The following NRG3 variants were observed in gnomAD, a reference collection of about 807,000 sequenced individuals.
NRG3 encodes neuregulin 3.
A neutral mutation model predicts 66.9 loss-of-function variants in NRG3; 31 were observed. That is an observed-to-expected ratio of 0.46 (90% CI 0.35 to 0.63). The LOEUF is 0.63. Ranked by LOEUF, NRG3 falls within the 20% of genes least tolerant of loss-of-function variation. The pLI, the probability that NRG3 is intolerant of heterozygous loss-of-function variation, is 0.00. For synonymous variants in NRG3, 393 were observed against 359.4 expected, an observed-to-expected ratio of 1.09 and a Z score of -1.06; for missense variants, 910 against 878.9, an observed-to-expected ratio of 1.04 and a Z score of -0.45.
intron 1 of NRG3, among the ~76,000 whole-genome samples, chr10:82,027,129 T>C (rs546200731): frequency 6.6e-6 from 1 of 152,236 alleles, no homozygotes; most frequent in East Asian, 1.9e-4. Context: ...CCTTTGGGTT[T>C]ATTCAGTAGA....
intron 2 of NRG3, among the ~76,000 whole-genome samples, chr10:82,366,942 GAACA>G (rs1456282512): frequency 6.6e-6 from 1 of 152,070 alleles, no homozygotes; most frequent in Non-Finnish European, 1.5e-5. Flanking sequence ...AATTTAAAAG[GAACA>G]TTTTTTAAAC....
intron 2 of NRG3, among the ~76,000 whole-genome samples, chr10:82,532,066 A>G (rs1247732097): frequency 6.6e-6 from 1 of 151,898 alleles, no homozygotes; most frequent in African/African-American, 2.4e-5. Context: ...TGATATAAGG[A>G]TACAATGGGC....
At chr10:82,166,139 C>T (rs1031027117) in intron 1 of NRG3, among the ~76,000 whole-genome samples, 130 of 152,276 alleles carry the variant, frequency 8.5e-4, no homozygotes, top group Non-Finnish European at 1.5e-4. Context: ...TCTCCTGCCT[C>T]AGCCTCCCCA....
At chr10:82,658,569 AAAG>A (rs138580937) in intron 2 of NRG3, among the ~76,000 whole-genome samples, 5,956 of 152,258 alleles carry the variant, frequency 0.039, 401 homozygotes, top group African/African-American at 0.14. Context: ...CAGAAAAAAA[AAAG>A]AGTATGTACT....
intron 2 of NRG3, among the ~76,000 whole-genome samples, chr10:82,562,349 A>T (rs763766904): frequency 1.8e-4 from 27 of 152,152 alleles, no homozygotes; most frequent in Admixed American, 3.3e-4. Flanking sequence ...GAGAGAACTC[A>T]CTGTCAGCTG....
intron 2 of NRG3, among the ~76,000 whole-genome samples, chr10:82,485,188 T>A (rs977106310): frequency 6.6e-6 from 1 of 151,754 alleles, no homozygotes; most frequent in Non-Finnish European, 1.5e-5. Flanking sequence ...ACTACACAAC[T>A]GTGTCCCCAC....
chr10:82,623,867 C>A (rs780102581), intron 2 of NRG3, among the ~76,000 whole-genome samples: 7 of 152,024 alleles, frequency 4.6e-5, no homozygotes, highest in Non-Finnish European at 1.0e-4. Context: ...ATTTTCTTAC[C>A]CCAAATTTAC....
At chr10:82,391,990 A>G (rs914537628) in intron 2 of NRG3, among the ~76,000 whole-genome samples, 2 of 126,206 alleles carry the variant, frequency 1.6e-5, no homozygotes, top group Admixed American at 8.3e-5. Context: ...TTTCGAGCAC[A>G]TGCAAAAAAA....
intron 2 of NRG3, among the ~76,000 whole-genome samples, chr10:82,414,068 A>T (rs1335453945): frequency 6.6e-6 from 1 of 152,054 alleles, no homozygotes; most frequent in Non-Finnish European, 1.5e-5. Context: ...TTTCCTTTGC[A>T]TTCACAACTT....
intron 2 of NRG3, among the ~76,000 whole-genome samples, chr10:82,643,241 CA>C (rs1165712284): frequency 1.3e-5 from 2 of 152,070 alleles, no homozygotes; most frequent in South Asian, 2.1e-4. Context: ...TGGTCAGGGC[CA>C]GGGGGGTGGT....
chr10:82,495,182 G>T (rs151167309), intron 2 of NRG3, among the ~76,000 whole-genome samples: 2,204 of 152,090 alleles, frequency 0.014, 28 homozygotes, highest in Non-Finnish European at 0.023. Flanking sequence ...TGATCTGCCC[G>T]TCTCGGCCTC....
At chr10:81,963,125 CTTTTTTTTTTT>C (rs777026850) in intron 1 of NRG3, among the ~76,000 whole-genome samples, 10 of 70,114 alleles carry the variant, frequency 1.4e-4, no homozygotes, top group African/African-American at 3.8e-4. Flanking sequence ...CACGAGGGCT[CTTTTTTTTTTT>C]TTTTTTTTTT....
chr10:81,923,647 T>G (rs1300273275), intron 1 of NRG3, among the ~76,000 whole-genome samples: 1 of 152,204 alleles, frequency 6.6e-6, no homozygotes, highest in Non-Finnish European at 1.5e-5. Context: ...CTCCTCAGCC[T>G]GGGGTGCTGT....
intron 4 of NRG3, among the ~76,000 whole-genome samples, chr10:82,916,834 A>G (rs7921379): frequency 0.41 from 61,777 of 151,956 alleles, 13,212 homozygotes; most frequent in East Asian, 0.55. Context: ...CAGGCTGGTC[A>G]CAAACTCCTG....
intron 1 of NRG3, among the ~76,000 whole-genome samples, chr10:82,322,658 G>C (rs1232578134): frequency 6.6e-6 from 1 of 151,900 alleles, no homozygotes; most frequent in African/African-American, 2.4e-5. Flanking sequence ...AATGCATACA[G>C]GTAAAGTGTA....
chr10:82,084,045 T>C (rs2065566081), intron 1 of NRG3, among the ~76,000 whole-genome samples: 1 of 151,640 alleles, frequency 6.6e-6, no homozygotes, highest in Admixed American at 6.6e-5. Flanking sequence ...CTGGCCAACA[T>C]GGCGAAATCC....
intron 2 of NRG3, among the ~76,000 whole-genome samples, chr10:82,359,546 A>AG (rs776378397): frequency 2.0e-5 from 3 of 152,184 alleles, no homozygotes; most frequent in African/African-American, 7.2e-5. Flanking sequence ...AATAAAAACA[A>AG]GGGGGGATAA....
intron 2 of NRG3, among the ~76,000 whole-genome samples, chr10:82,537,164 C>G (rs1487891811): frequency 6.6e-6 from 1 of 151,904 alleles, no homozygotes; most frequent in East Asian, 1.9e-4. Context: ...GGTCTGTAAG[C>G]TACACTTGCA....
chr10:81,879,578 G>A (rs1341234562), intron 1 of NRG3, among the ~76,000 whole-genome samples: 1 of 152,124 alleles, frequency 6.6e-6, no homozygotes, highest in African/African-American at 2.4e-5. Flanking sequence ...GTTTCTTTGG[G>A]TTAGATTTGG....
Sources: gnomAD v4.1 joint callset for allele counts (sites outside exome capture counted in the v4.1 genomes callset) on GRCh38, gnomAD v4.1.1 for gene constraint, MANE v1.5 for transcripts, NCBI Gene and HGNC (gene_info 2026-07-23, HGNC 2026-07-21) for gene names.